PLXNA2: variants seen among roughly 807,000 people sequenced by gnomAD.
PLXNA2 encodes the protein plexin A2.
Under a neutral mutation model 193.5 loss-of-function variants are expected in PLXNA2, and 91 were observed. The observed-to-expected ratio is 0.47, with a 90% CI of 0.40 to 0.56. The LOEUF is 0.56. Among genes scored for constraint, PLXNA2 ranks in the 20% least tolerant of loss-of-function variants. PLXNA2 has a pLI of 0.00. For synonymous variants in PLXNA2, 997 were observed against 1,027.3 expected, an observed-to-expected ratio of 0.97 and a Z score of 0.56; for missense variants, 1,995 against 2,503.2, an observed-to-expected ratio of 0.80 and a Z score of 4.33.
At chr1:208,127,506 A>G (rs1279567070) in intron 4 of PLXNA2, among the ~76,000 whole-genome samples, 3 of 151,914 alleles carry the variant, frequency 2.0e-5, no homozygotes, top group Non-Finnish European at 4.4e-5. Flanking sequence ...CCCAACAGCC[A>G]CCCTCCACTT....
At chr1:208,077,948 T>C (rs746797009) in intron 12 of PLXNA2, among the ~76,000 whole-genome samples, 2 of 152,150 alleles carry the variant, frequency 1.3e-5, no homozygotes, top group African/African-American at 4.8e-5. Flanking sequence ...TGGTGTCTTG[T>C]GGATGGATTG....
intron 11 of PLXNA2, among the ~76,000 whole-genome samples, chr1:208,080,216 A>AG (rs1404413229): frequency 6.6e-6 from 1 of 152,178 alleles, no homozygotes; most frequent in Non-Finnish European, 1.5e-5. Context: ...ATTAAAAAAA[A>AG]GGGGGTGACA....
At chr1:208,136,497 C>G (rs746928659) in intron 4 of PLXNA2, among the ~76,000 whole-genome samples, 2 of 152,150 alleles carry the variant, frequency 1.3e-5, no homozygotes, top group Admixed American at 6.5e-5. Flanking sequence ...CTTTCTGGCC[C>G]GGTGTCCATG....
At position 208,046,797 on chromosome 1, in the gene PLXNA2, A is replaced by AGTGTGTGTGT. The variant is rs57420579; in HGVS notation, c.3256-690_3256-681dup. Among the ~76,000 whole-genome samples, 972 of 129,676 alleles carry AGTGTGTGTGT rather than the reference A, an allele frequency of 7.5e-3. 7 individuals carry two copies. Among genetic ancestry groups the AGTGTGTGTGT allele is most frequent in the Middle Eastern group, 0.017 (4 of 242 alleles). The allele number at this position is 129,676 out of a possible 152,430, so 85.1% of individuals were successfully genotyped here. A position where few individuals can be genotyped will look rare whatever the true frequency, so the allele number is the denominator to read the frequency against. ...AGAAAAAAGTAGGACAGAACAGCAT[A>AGTGTGTGTGT]GTGTGTGTGTGTGTGTGTGTGTGTG... On this transcript the variant is annotated intron_variant, in intron 17 of 31. Transcript: ENST00000367033.
In PLXNA2 at chr1:208,210,365, C is replaced by CT; in HGVS notation, c.1285dup (p.Arg429LysfsTer23). 1 of 1,614,074 alleles carries CT rather than the reference C, an allele frequency of 6.2e-7. No homozygotes were observed. The highest frequency in any genetic ancestry group is 8.5e-7 in the Non-Finnish European group (1 of 1,180,024). On this transcript the variant is annotated frameshift_variant, in exon 3 of 32. Transcript: ENST00000367033. LOFTEE classifies it high-confidence loss of function. Reference sequence around the variant, plus strand: ...GGAGGCCACAGAGGTCATGCGGTCCCTGCTGGTGGTGTACAGGGTCAGGCC... The same window carrying CT: ...GGAGGCCACAGAGGTCATGCGGTCCCTTGCTGGTGGTGTACAGGGTCAGGCC...
intron 4 of PLXNA2, among the ~76,000 whole-genome samples, chr1:208,104,269 C>G (rs955116643): frequency 6.6e-6 from 1 of 152,212 alleles, no homozygotes; most frequent in Non-Finnish European, 1.5e-5. Flanking sequence ...GACATCTCCA[C>G]GGCATCCTCC....
In PLXNA2 at chr1:208,147,863, T is replaced by C. The variant is rs371577570; in HGVS notation, c.1372-5400A>G. ...CCCCTTTAGGATCCCAAGTTCAAAG[T>C]GGGACAATCTCCTATTTCCTGGGGA... is the stretch of plus-strand genomic sequence containing the variant. On this transcript the variant is annotated intron_variant, in intron 3 of 31. Coordinates refer to ENST00000367033, the MANE Select transcript of PLXNA2 (RefSeq NM_025179.4). Among the ~76,000 whole-genome samples the C allele has an allele frequency of 1.4e-4, 21 of 152,274 alleles. No individual in the cohort carries two copies. In the East Asian group the frequency reaches 2.9e-3, roughly 21 times the overall value.
rs1000716966 is a variant in PLXNA2 at position 208,217,416 on chromosome 1, G to A, written c.507C>T (p.Tyr169=). Residue 169 remains tyrosine (Y), a synonymous_variant, in exon 2 of 32, where the codon TAC becomes TAT. Transcript: ENST00000367033. This position sits in a 1 kb window ranked among gnomAD's most constrained non-coding sequence, Gnocchi z 4.7. Reference sequence around the variant, plus strand: ...CACCCTCAGAGCGCACAATCACCCCGTACATGGTGCCCGTCTTGTTGACAC... The same window carrying A: ...CACCCTCAGAGCGCACAATCACCCCATACATGGTGCCCGTCTTGTTGACAC... ...LSSVNKTGTM[Y]GVIVRSEGED... The A allele has an allele frequency of 5.0e-6, 8 of 1,614,034 alleles. No individual in the cohort carries two copies. Among genetic ancestry groups the A allele is most frequent in the Non-Finnish European group, 5.9e-6 (7 of 1,180,052 alleles).
intron 13 of PLXNA2, among the ~76,000 whole-genome samples, chr1:208,055,612 G>A (rs1665405160): frequency 6.6e-6 from 1 of 152,116 alleles, no homozygotes; most frequent in Admixed American, 6.5e-5. Flanking sequence ...TGGGGAGTCA[G>A]AAAAACAGAC....
intron 13 of PLXNA2, among the ~76,000 whole-genome samples, chr1:208,058,538 A>G (rs963518604): frequency 6.6e-6 from 1 of 152,174 alleles, no homozygotes; most frequent in Non-Finnish European, 1.5e-5. Context: ...GGAGGCTTTA[A>G]TGATGTTAGC....
intron 1 of PLXNA2, among the ~76,000 whole-genome samples, chr1:208,224,234 G>T (rs530406377): frequency 6.6e-6 from 1 of 152,172 alleles, no homozygotes; most frequent in East Asian, 1.9e-4. Context: ...AATTATTAGA[G>T]TGAAGGAATA....
intron 4 of PLXNA2, among the ~76,000 whole-genome samples, chr1:208,124,949 A>T (rs1667928984): frequency 6.6e-6 from 1 of 152,148 alleles, no homozygotes; most frequent in African/African-American, 2.4e-5. Flanking sequence ...AGAATGGGGT[A>T]TAGCCATGAC....
intron 4 of PLXNA2, among the ~76,000 whole-genome samples, chr1:208,108,084 AGCGG>A (rs1333095566): frequency 6.6e-6 from 1 of 152,106 alleles, no homozygotes; most frequent in African/African-American, 2.4e-5. Context: ...GGCCTGATTC[AGCGG>A]GGCTGAAGAT....
chr1:208,108,475 C>A (rs545191444), intron 4 of PLXNA2, among the ~76,000 whole-genome samples: 22 of 152,276 alleles, frequency 1.4e-4, no homozygotes, highest in African/African-American at 4.8e-4. Flanking sequence ...GAACAAGCGC[C>A]CTTTGCCAAG....
chr1:208,167,513 G>C (rs1669347834), intron 3 of PLXNA2, among the ~76,000 whole-genome samples: 1 of 152,154 alleles, frequency 6.6e-6, no homozygotes, highest in Admixed American at 6.5e-5. Context: ...TTACTGATGA[G>C]AGGCCCATAG....
At chr1:208,213,410 T>G (rs1041768830) in intron 2 of PLXNA2, among the ~76,000 whole-genome samples, 9 of 152,218 alleles carry the variant, frequency 5.9e-5, no homozygotes, top group African/African-American at 2.2e-4. Context: ...CACTTATAGC[T>G]GTGGAGATCT....
intron 3 of PLXNA2, among the ~76,000 whole-genome samples, chr1:208,209,084 C>T (rs1017264421): frequency 6.6e-6 from 1 of 152,152 alleles, no homozygotes; most frequent in Middle Eastern, 3.2e-3. Flanking sequence ...TCCCTAGTCC[C>T]AGGCAGAGTG....
At chr1:208,160,071 G>C (rs1041809160) in intron 3 of PLXNA2, among the ~76,000 whole-genome samples, 1 of 152,174 alleles carries the variant, frequency 6.6e-6, no homozygotes, top group Non-Finnish European at 1.5e-5. Context: ...CCTCAGCTCT[G>C]ATTCAGCTGC....
chr1:208,080,385 C>A (rs1464321906), intron 11 of PLXNA2, among the ~76,000 whole-genome samples: 1 of 152,124 alleles, frequency 6.6e-6, no homozygotes, highest in Non-Finnish European at 1.5e-5. Context: ...GTGAACTGTG[C>A]TTCAGGTTCA....
Sources: allele counts gnomAD v4.1 joint callset (sites outside exome capture counted in the v4.1 genomes callset), GRCh38; gene constraint gnomAD v4.1.1; non-coding constraint Gnocchi (gnomAD v3.1); transcripts MANE v1.5; gene names NCBI Gene and HGNC (gene_info 2026-07-23, HGNC 2026-07-21).